MYOM2: variants seen among roughly 807,000 people sequenced by gnomAD.
MYOM2 encodes the protein myomesin-2.
Under a neutral mutation model 187.6 loss-of-function variants are expected in MYOM2, and 254 were observed. That is an observed-to-expected ratio of 1.35 (90% CI 1.22 to 1.50). The LOEUF is 1.50. Among genes scored for constraint, MYOM2 ranks in the 40% most tolerant of loss-of-function variants. MYOM2 has a pLI of 0.00. For synonymous variants in MYOM2, 981 were observed against 753.8 expected (o/e 1.30, Z -4.94); for missense variants, 2,796 against 1,924.0 (o/e 1.45, Z -8.48).
At chr8:2,065,572 C>A (rs1354862681) in intron 6 of MYOM2, among the ~76,000 whole-genome samples, 14 of 151,982 alleles carry the variant, frequency 9.2e-5, no homozygotes, top group Non-Finnish European at 1.9e-4. Flanking sequence ...TCCATCTCAA[C>A]AAAAAAGAGC....
At chr8:2,114,083 G>A (rs935623662) in intron 25 of MYOM2, among the ~76,000 whole-genome samples, 1 of 152,186 alleles carries the variant, frequency 6.6e-6, no homozygotes, top group Non-Finnish European at 1.5e-5. Context: ...GGGGCATCAG[G>A]GAAGTCTCCC....
intron 31 of MYOM2, among the ~76,000 whole-genome samples, chr8:2,124,578 C>G (rs991487097): frequency 6.6e-6 from 1 of 152,186 alleles, no homozygotes; most frequent in Non-Finnish European, 1.5e-5. Flanking sequence ...CACTTTGCGT[C>G]GTACACATTA....
intron 6 of MYOM2, among the ~76,000 whole-genome samples, chr8:2,068,867 T>A (rs766418613): frequency 7.2e-5 from 11 of 152,180 alleles, no homozygotes; most frequent in Non-Finnish European, 1.6e-4. Flanking sequence ...CCAGGCAGGC[T>A]CTGTATCATC....
At chr8:2,107,276 T>C (rs1435341387) in intron 23 of MYOM2, among the ~76,000 whole-genome samples, 1 of 152,102 alleles carries the variant, frequency 6.6e-6, no homozygotes, top group East Asian at 1.9e-4. Context: ...GAAGGGGCAG[T>C]GGTGCAGCGT....
chr8:2,060,000 C>T (rs1217319215), intron 6 of MYOM2, among the ~76,000 whole-genome samples: 4 of 152,182 alleles, frequency 2.6e-5, no homozygotes, highest in Admixed American at 1.3e-4. Context: ...CCTCGGTCTC[C>T]CAAAGTGCTG....
chr8:2,051,274 A>G (rs2129327113), intron 2 of MYOM2, among the ~76,000 whole-genome samples: 1 of 152,284 alleles, frequency 6.6e-6, no homozygotes, highest in Admixed American at 6.5e-5. Context: ...ACAGAATGGG[A>G]GGCAATATTA....
At position 2,078,953 on chromosome 8, in the gene MYOM2, G is replaced by C; in HGVS notation, c.1462+20G>C. ...TACAAGGTAAGCTGCTCACGCCTAA[G>C]TATCCACTGTGCCCAGGAAGCTTTG... On this transcript the variant is annotated intron_variant, in intron 12 of 36. Coordinates refer to ENST00000262113, the MANE Select transcript of MYOM2 (RefSeq NM_003970.4). 1.2e-6 allele frequency: 2 copies of C among 1,609,934 alleles called. No individual in the cohort carries two copies. Among genetic ancestry groups the C allele is most frequent in the Non-Finnish European group, 1.7e-6 (2 of 1,177,062 alleles).
rs1818450689 is a variant in MYOM2, at chr8:2,050,625, T to C, written c.-12-130T>C. 4 of 538,324 alleles carry C rather than the reference T, an allele frequency of 7.4e-6. No homozygotes were observed. The South Asian group carries it at 1.2e-4, about 16-fold the overall frequency. 33.3% of individuals were successfully genotyped at this position (538,324 alleles called of 1,614,324 possible). ...AAGGTGATTTCTGGCCATGTAATCT[T>C]TCATTTTTTCCCTTCCCAAGGGGGT... On this transcript the variant is annotated intron_variant, in intron 1 of 36. Coordinates refer to ENST00000262113, the MANE Select transcript of MYOM2 (RefSeq NM_003970.4).
In MYOM2 at chr8:2,078,800, G is replaced by T. The variant is rs760552496; in HGVS notation, c.1329G>T (p.Pro443=). The change falls in exon 12 of 37, where the codon CCG becomes CCT. Residue 443 remains proline (P), a synonymous_variant. Transcript: ENST00000262113. The part of the protein sequence containing the change: ...NDAPVKICKY[P]VTGLFEGRSY... The stretch of plus-strand genomic sequence containing the variant: ...CACCGGTGAAAATCTGCAAATACCC[G>T]GTCACAGGGCTTTTTGAAGGAAGGT... The T allele has an allele frequency of 6.2e-7, 1 of 1,613,976 alleles. No homozygotes were observed. The highest frequency in any genetic ancestry group is 8.5e-7 in the Non-Finnish European group (1 of 1,180,024).
Position 2,101,055 on chromosome 8 carries a change from G to T in MYOM2, c.2619+1G>T. The T allele has an allele frequency of 2.5e-6, 4 of 1,613,988 alleles. 2 individuals carry two copies. In the South Asian group the frequency reaches 4.4e-5, roughly 18 times the overall value. ...GACAACAGCCAGCCGTTATTTAAAG[G>T]TAAGTCTTGGCCGGCTGTGGTGGCT... On this transcript the variant is annotated splice_donor_variant, in intron 20 of 36. Coordinates refer to ENST00000262113, the MANE Select transcript of MYOM2 (RefSeq NM_003970.4). LOFTEE classifies it high-confidence loss of function.
chr8:2,072,162 C>T lies in MYOM2; in HGVS notation c.794-183C>T, dbSNP rs527545178. ...GCCCTAATGGCGTGAACCCGGGAGG[C>T]GAAGCCTGCAGTGAGCCGAGGTCGC... is the stretch of plus-strand genomic sequence containing the variant. On this transcript the variant is annotated intron_variant, in intron 8 of 36. Coordinates refer to ENST00000262113, the MANE Select transcript of MYOM2 (RefSeq NM_003970.4). Among the ~76,000 whole-genome samples the T allele has an allele frequency of 3.9e-5, 6 of 152,278 alleles. No homozygotes were observed. The South Asian group carries it at 8.3e-4, about 21-fold the overall frequency.
At chr8:2,086,397 G>A (rs1256259134) in intron 14 of MYOM2, among the ~76,000 whole-genome samples, 1,159 of 69,810 alleles carry the variant, frequency 0.017, 333 homozygotes, top group Non-Finnish European at 0.023. Flanking sequence ...TCCCACTGTT[G>A]TGATCTCTGC....
Position 2,078,604 on chromosome 8 carries a change from A to C in MYOM2, c.1263-130A>C. ...TATCTATACAAGTCAATATCTTAGC[A>C]GCAAAGATTTTACTGGCGTGAGATA... On this transcript the variant is annotated intron_variant, in intron 11 of 36. Transcript: ENST00000262113. The C allele has an allele frequency of 5.1e-6, 4 of 783,224 alleles. No homozygotes were observed. The South Asian group carries it at 6.7e-5, about 13-fold the overall frequency. The allele number at this position is 783,224 out of a possible 1,614,324, so 48.5% of individuals were successfully genotyped here.
chr8:2,058,067 G>A (rs1306228111), intron 5 of MYOM2, among the ~76,000 whole-genome samples: 2 of 127,350 alleles, frequency 1.6e-5, no homozygotes, highest in African/African-American at 3.0e-5. Flanking sequence ...TGCCCAGGCT[G>A]GAGTGTGATG....
At chr8:2,141,200 C>G (rs1798262966) in intron 34 of MYOM2, 23 bp downstream of exon 34, 5 of 1,607,726 alleles carry the variant, frequency 3.1e-6, no homozygotes, top group Non-Finnish European at 4.3e-6. Flanking sequence ...TATTTAGTTA[C>G]TATGATATCC....
rs774736990 is a variant in MYOM2, at chr8:2,085,359, G to T, written c.1613G>T (p.Gly538Val). The T allele has an allele frequency of 5.0e-6, 8 of 1,613,544 alleles. No homozygotes were observed. In the East Asian group the frequency reaches 8.9e-5, roughly 18 times the overall value. ...VLSWEPPTPR[G>V]KDPLMYFIEK... is the part of the protein sequence containing the mutation. ...AGCTGGGAGCCACCCACTCCCCGTGGCAAGGACCCGCTCATGTACTTCATT... is the reference window on the plus strand; with the variant it reads ...AGCTGGGAGCCACCCACTCCCCGTGTCAAGGACCCGCTCATGTACTTCATT... Residue 538 changes from glycine (G) to valine (V), a missense_variant, in exon 14 of 37, where the codon GGC becomes GTC. Coordinates refer to ENST00000262113, the MANE Select transcript of MYOM2 (RefSeq NM_003970.4).
chr8:2,102,582 G>T, intron 20 of MYOM2, 85 bp from the exon 21 acceptor site: 2 of 792,590 alleles, frequency 2.5e-6, no homozygotes, highest in Non-Finnish European at 4.1e-6. Context: ...TTTTGAAAAG[G>T]CCCTATTCAC....
intron 32 of MYOM2, among the ~76,000 whole-genome samples, chr8:2,134,727 C>T (rs1563080734): frequency 6.6e-6 from 1 of 152,208 alleles, no homozygotes; most frequent in Admixed American, 6.5e-5. Context: ...ATTGTTCCAG[C>T]TCTGGCCCTT....
chr8:2,128,313 A>G (rs1325915385), intron 31 of MYOM2, among the ~76,000 whole-genome samples: 1 of 152,242 alleles, frequency 6.6e-6, no homozygotes, highest in Non-Finnish European at 1.5e-5. Flanking sequence ...GCTTCCCAAA[A>G]TGAAAAATTA....
Sources: gnomAD v4.1 joint callset for allele counts (sites outside exome capture counted in the v4.1 genomes callset) on GRCh38, gnomAD v4.1.1 for gene constraint, MANE v1.5 for transcripts, NCBI Gene and HGNC (gene_info 2026-07-23, HGNC 2026-07-21) for gene names.